The following THNSL1 variants were observed in gnomAD, a reference collection of about 807,000 sequenced individuals.
The protein encoded by THNSL1 is threonine synthase like 1.
In THNSL1, 48 loss-of-function variants were observed where a neutral mutation model predicts 50.4. The ratio of observed to expected loss-of-function variants is 0.95; its 90% CI spans 0.76 to 1.21. The LOEUF (loss-of-function observed/expected upper bound fraction) is 1.21. Among genes scored for constraint, THNSL1 ranks in the 50% most tolerant of loss-of-function variants. THNSL1 has a pLI of 0.00. For missense variants in THNSL1, 896 were observed against 871.7 expected (o/e 1.03, Z -0.35); for synonymous variants, 309 against 306.1 (o/e 1.01, Z -0.10).
chr10:24,961,875 C>T, the THNSL1 span, among the ~76,000 whole-genome samples: 12 of 152,202 alleles, frequency 7.9e-5, no homozygotes, highest in African/African-American at 2.6e-4. Context: ...TGATTTTGAC[C>T]GTGAGCAAGT....
the THNSL1 span, chr10:24,999,513 A>G: frequency 1.9e-6 from 3 of 1,612,326 alleles, no homozygotes; most frequent in Non-Finnish European, 2.5e-6. Flanking sequence ...TTTGCATGTC[A>G]TCTTTTACAG....
the THNSL1 span, among the ~76,000 whole-genome samples, chr10:24,972,518 AAAT>A: frequency 3.4e-5 from 5 of 146,132 alleles, no homozygotes; most frequent in African/African-American, 1.1e-4. Flanking sequence ...AAAAAAAAAA[AAAT>A]AAATAATAAT....
the THNSL1 span, among the ~76,000 whole-genome samples, chr10:24,975,909 A>G: frequency 3.3e-5 from 5 of 152,230 alleles, no homozygotes; most frequent in African/African-American, 9.6e-5. Context: ...CACATCTTAG[A>G]AAGGATCATA....
Position 25,024,520 on chromosome 10 carries a change from GTTGAGTCAGATT to G in THNSL1, c.1302_1313del (p.Glu434_Phe437del), listed in dbSNP as rs766943536. ...GAGAGAAAATGGATGGGCAGTGGGT[GTTGAGTCAGATT>G]TTGATTTTTGCCAGACAGCTATAAA... On this transcript the variant is annotated inframe_deletion, in exon 3 of 3. Coordinates refer to ENST00000376356, the MANE Select transcript of THNSL1 (RefSeq NM_024838.5). 11 of 1,614,082 alleles carry G rather than the reference GTTGAGTCAGATT, an allele frequency of 6.8e-6. No individual in the cohort carries two copies. The highest frequency in any genetic ancestry group is 9.3e-6 in the Non-Finnish European group (11 of 1,180,032).
chr10:24,988,222 T>A, the THNSL1 span, among the ~76,000 whole-genome samples: 9 of 143,188 alleles, frequency 6.3e-5, no homozygotes, highest in Non-Finnish European at 1.1e-4. Context: ...AGACTTCATC[T>A]CAAAAAAAAA....
chr10:24,967,765 C>T, the THNSL1 span, among the ~76,000 whole-genome samples: 5 of 149,340 alleles, frequency 3.3e-5, no homozygotes, highest in African/African-American at 7.4e-5. Context: ...TGTATATGCA[C>T]GATGTGTGTA....
the THNSL1 span, among the ~76,000 whole-genome samples, chr10:24,978,692 T>C: frequency 6.6e-6 from 1 of 152,180 alleles, no homozygotes; most frequent in Non-Finnish European, 1.5e-5. Context: ...TGTCAAATGA[T>C]GTTCTTGGGT....
chr10:24,952,491 A>G, the THNSL1 span: 4 of 1,559,576 alleles, frequency 2.6e-6, no homozygotes, highest in South Asian at 2.4e-5. The surrounding 1 kb of genome is among the most constrained non-coding windows in gnomAD (Gnocchi z 5.1). Flanking sequence ...GAGGGAGGGG[A>G]GCGGGCCGAG....
chr10:25,020,677 G>A (rs1160047570), intron 1 of THNSL1, among the ~76,000 whole-genome samples: 2 of 151,754 alleles, frequency 1.3e-5, no homozygotes, highest in Admixed American at 6.6e-5. Context: ...GGAGGTTGAG[G>A]CTGCAGTGAG....
the THNSL1 span, among the ~76,000 whole-genome samples, chr10:24,991,445 G>A: frequency 1.3e-5 from 2 of 150,548 alleles, no homozygotes; most frequent in South Asian, 2.1e-4. Context: ...ATGGCTGGAC[G>A]TCGAGAGGAA....
chr10:24,962,167 G>T, the THNSL1 span, among the ~76,000 whole-genome samples: 6 of 152,206 alleles, frequency 3.9e-5, no homozygotes, highest in Admixed American at 3.9e-4. Context: ...GAGCTAACAC[G>T]CTCCCATGAA....
chr10:25,025,256 C>G lies in THNSL1; in HGVS notation c.2033C>G (p.Ala678Gly). 1.2e-6 allele frequency: 2 copies of G among 1,614,162 alleles called. No individual in the cohort carries two copies. The highest frequency in any genetic ancestry group is 1.7e-6 in the Non-Finnish European group (2 of 1,180,038). The change falls in exon 3 of 3, where the codon GCT becomes GGT. Residue 678 changes from alanine (A) to glycine (G), a missense_variant. By Grantham distance (60) the Ala-to-Gly change is moderately conservative. Coordinates refer to ENST00000376356, the MANE Select transcript of THNSL1 (RefSeq NM_024838.5). ...YSKFAPAIMQ[A>G]LKIKEINETS... Reference sequence around the variant, plus strand: ...AAGTTTGCACCTGCTATCATGCAGGCTTTAAAGATTAAAGAAATCAATGAG... The same window carrying G: ...AAGTTTGCACCTGCTATCATGCAGGGTTTAAAGATTAAAGAAATCAATGAG...
At chr10:24,952,448 G>T in the THNSL1 span, 1 of 1,467,774 alleles carries the variant, frequency 6.8e-7, no homozygotes, top group East Asian at 2.5e-5. The surrounding 1 kb of genome is among the most constrained non-coding windows in gnomAD (Gnocchi z 5.1). Context: ...CCCGACGCAC[G>T]GCAAGCATTT....
chr10:25,004,074 T>A, the THNSL1 span, among the ~76,000 whole-genome samples: 2 of 152,198 alleles, frequency 1.3e-5, no homozygotes, highest in Non-Finnish European at 2.9e-5. Context: ...TTTTTACATG[T>A]ACACATCCAT....
At chr10:25,016,859 A>ACCGTCCCTTCCCCTTT (rs1385237515) in intron 1 of THNSL1, 167 bp downstream of exon 1, 1 of 152,598 alleles carries the variant, frequency 6.6e-6, no homozygotes, top group Non-Finnish European at 1.5e-5. Flanking sequence ...CTTTCCCCGT[A>ACCGTCCCTTCCCCTTT]CCGTCCCTTC....
chr10:24,999,327 C>A, the THNSL1 span: 1 of 1,412,332 alleles, frequency 7.1e-7, no homozygotes, highest in Non-Finnish European at 9.7e-7. Context: ...GTTTAATATT[C>A]ATCAACAATA....
chr10:24,955,127 C>T, the THNSL1 span, among the ~76,000 whole-genome samples: 12 of 152,272 alleles, frequency 7.9e-5, no homozygotes, highest in South Asian at 6.2e-4. Flanking sequence ...GAAGCAAGCA[C>T]GTCTTACCAT....
chr10:24,956,129 C>CT, the THNSL1 span, among the ~76,000 whole-genome samples: 638 of 151,246 alleles, frequency 4.2e-3, 3 homozygotes, highest in Middle Eastern at 0.014. Flanking sequence ...ATTTCCTTTT[C>CT]TTTTTTTTTC....
upstream of THNSL1, among the ~76,000 whole-genome samples, chr10:25,013,705 G>A (rs1850502341): frequency 6.6e-6 from 1 of 152,214 alleles, no homozygotes. Context: ...CACTTTGGGA[G>A]GCAGAGGTGG....
Sources: gnomAD v4.1 joint callset for allele counts (sites outside exome capture counted in the v4.1 genomes callset) on GRCh38, gnomAD v4.1.1 for gene constraint, Gnocchi (gnomAD v3.1) non-coding constraint, MANE v1.5 for transcripts, NCBI Gene and HGNC (gene_info 2026-07-23, HGNC 2026-07-21) for gene names.